Variants in GSK3B observed in about 807,000 individuals in gnomAD.
GSK3B encodes the protein glycogen synthase kinase-3 beta.
In GSK3B, 15 loss-of-function variants were observed where a neutral mutation model predicts 56.4. The ratio of observed to expected loss-of-function variants is 0.27; its 90% CI spans 0.18 to 0.41. GSK3B has a LOEUF of 0.41. Ranked by LOEUF, GSK3B falls within the 10% of genes least tolerant of loss-of-function variation. The pLI, the probability that GSK3B is intolerant of heterozygous loss-of-function variation, is 1.00. For synonymous variants in GSK3B, 181 were observed against 188.9 expected, an observed-to-expected ratio of 0.96 and a Z score of 0.34; for missense variants, 300 against 513.4, an observed-to-expected ratio of 0.58 and a Z score of 4.02.
chr3:120,022,117 C>T (rs185589697), intron 1 of GSK3B, among the ~76,000 whole-genome samples: 1 of 152,312 alleles, frequency 6.6e-6, no homozygotes, highest in Non-Finnish European at 1.5e-5. Flanking sequence ...GTCAATTAAT[C>T]CAGCAAACTT....
At chr3:119,945,061 A>C (rs1344303958) in intron 3 of GSK3B, among the ~76,000 whole-genome samples, 1 of 152,222 alleles carries the variant, frequency 6.6e-6, no homozygotes, top group African/African-American at 2.4e-5. Context: ...CTCCTGAAGG[A>C]TATCTTAGTC....
chr3:119,934,402 G>A (rs985754897), intron 3 of GSK3B, among the ~76,000 whole-genome samples: 1 of 152,178 alleles, frequency 6.6e-6, no homozygotes, highest in Non-Finnish European at 1.5e-5. Flanking sequence ...CTCCAATAGT[G>A]AGGCATCCTA....
intron 1 of GSK3B, among the ~76,000 whole-genome samples, chr3:120,004,408 A>G (rs1436132538): frequency 6.6e-6 from 1 of 152,222 alleles, no homozygotes; most frequent in Non-Finnish European, 1.5e-5. Flanking sequence ...CTCTGAAGAC[A>G]GCAATGGTTC....
At chr3:120,053,383 G>A (rs781351246) in intron 1 of GSK3B, among the ~76,000 whole-genome samples, 4 of 152,138 alleles carry the variant, frequency 2.6e-5, no homozygotes, top group Non-Finnish European at 5.9e-5. Context: ...CTTTACAGAT[G>A]TAATCCCCAG....
chr3:120,068,702 A>AAAAT (rs1055434203), intron 1 of GSK3B, among the ~76,000 whole-genome samples: 91 of 151,898 alleles, frequency 6.0e-4, no homozygotes, highest in African/African-American at 1.8e-3. Flanking sequence ...CCTGTCTCAA[A>AAAAT]AAATAAATAA....
chr3:119,893,956 AGAG>A (rs1416480047), intron 7 of GSK3B, among the ~76,000 whole-genome samples: 1 of 151,952 alleles, frequency 6.6e-6, no homozygotes, highest in Non-Finnish European at 1.5e-5. Flanking sequence ...CTACATTTAC[AGAG>A]GTGTGCAATC....
intron 9 of GSK3B, among the ~76,000 whole-genome samples, chr3:119,860,337 G>A (rs1168249743): frequency 2.0e-5 from 3 of 152,158 alleles, no homozygotes. Context: ...TGTGCCAAAG[G>A]TTTATTCCAA....
At chr3:119,993,487 A>G (rs1309397375) in intron 2 of GSK3B, among the ~76,000 whole-genome samples, 2 of 152,160 alleles carry the variant, frequency 1.3e-5, no homozygotes, top group Non-Finnish European at 2.9e-5. Context: ...CTTTTTGAAT[A>G]TAATATAAAA....
intron 2 of GSK3B, among the ~76,000 whole-genome samples, chr3:119,948,165 G>A (rs903417191): frequency 6.7e-6 from 1 of 150,276 alleles, no homozygotes; most frequent in Non-Finnish European, 1.5e-5. Flanking sequence ...CAAAATGCCA[G>A]CTTTCTAGCC....
chr3:120,016,087 T>C (rs889191388), intron 1 of GSK3B, among the ~76,000 whole-genome samples: 3 of 152,178 alleles, frequency 2.0e-5, no homozygotes, highest in East Asian at 1.9e-4. Context: ...TGGCAAAAAC[T>C]GGACAGGAGA....
In GSK3B at chr3:119,973,647, G is replaced by A. The variant is rs113994770; in HGVS notation, c.283-26296C>T. On this transcript the variant is annotated intron_variant, in intron 2 of 10. Transcript: ENST00000264235. The stretch of plus-strand genomic sequence containing the variant: ...TTACAGCACAATAAATATTTTGAGA[G>A]AGAGGGAGATAATCCACATTCATAT... Among the ~76,000 whole-genome samples the A allele has an allele frequency of 4.3e-3, 649 of 152,320 alleles. 1 individual carries two copies. The highest frequency in any genetic ancestry group is 0.015 in the African/African-American group (614 of 41,566).
chr3:119,968,667 T>C (rs1382924428), intron 2 of GSK3B, among the ~76,000 whole-genome samples: 5 of 151,768 alleles, frequency 3.3e-5, no homozygotes, highest in African/African-American at 9.7e-5. Context: ...GGTGAGAAAA[T>C]AGATGCTACA....
chr3:120,013,797 T>C (rs1190607807), intron 1 of GSK3B, among the ~76,000 whole-genome samples: 1 of 151,566 alleles, frequency 6.6e-6, no homozygotes, highest in Non-Finnish European at 1.5e-5. Flanking sequence ...CTCTGGCCAC[T>C]GTAAATTTTT....
intron 1 of GSK3B, among the ~76,000 whole-genome samples, chr3:120,023,308 C>T (rs933389084): frequency 3.3e-5 from 5 of 151,050 alleles, no homozygotes; most frequent in Non-Finnish European, 7.4e-5. Flanking sequence ...TGAGCTGGGT[C>T]CCTCCAAGGT....
At chr3:120,076,934 G>A (rs1214086152) in intron 1 of GSK3B, among the ~76,000 whole-genome samples, 2 of 150,614 alleles carry the variant, frequency 1.3e-5, no homozygotes, top group African/African-American at 2.5e-5. Context: ...TATCATCAGA[G>A]AAATGGAAAT....
chr3:120,043,909 T>C (rs55645853), intron 1 of GSK3B, among the ~76,000 whole-genome samples: 3,223 of 152,282 alleles, frequency 0.021, 63 homozygotes, highest in Non-Finnish European at 0.033. Context: ...GAAGTAAACA[T>C]TGTAGAAGCA....
intron 7 of GSK3B, among the ~76,000 whole-genome samples, chr3:119,892,516 C>T (rs547959046): frequency 1.3e-5 from 2 of 152,166 alleles, no homozygotes; most frequent in Non-Finnish European, 2.9e-5. Flanking sequence ...TTGTATTCTG[C>T]TCAGACATCT....
intron 1 of GSK3B, among the ~76,000 whole-genome samples, chr3:120,057,539 C>T (rs2058201089): frequency 6.6e-6 from 1 of 152,052 alleles, no homozygotes; most frequent in African/African-American, 2.4e-5. Context: ...TTACAGCATT[C>T]CATTGTATAT....
In GSK3B at chr3:120,037,391, A is replaced by T. The variant is rs115327285; in HGVS notation, c.89-35152T>A. ...ACTTCTTAAGCAATTAAGAAACATG[A>T]GCTTCTCCATCCAGAAATGGTGACA... On this transcript the variant is annotated intron_variant, in intron 1 of 10. Coordinates refer to ENST00000264235, the MANE Select transcript of GSK3B (RefSeq NM_001146156.2). Among the ~76,000 whole-genome samples the T allele has an allele frequency of 9.5e-3, 1,450 of 152,342 alleles. 15 individuals carry two copies. The highest frequency in any genetic ancestry group is 0.032 in the South Asian group (155 of 4,832).
Sources: allele counts gnomAD v4.1 joint callset (sites outside exome capture counted in the v4.1 genomes callset), GRCh38; gene constraint gnomAD v4.1.1; transcripts MANE v1.5; gene names NCBI Gene and HGNC (gene_info 2026-07-23, HGNC 2026-07-21).